The following DIP2B variants were observed in gnomAD, a reference collection of about 807,000 sequenced individuals.
DIP2B encodes the protein DIP2 acetate--CoA ligase B (putative).
Under a neutral mutation model 198.0 loss-of-function variants are expected in DIP2B, and 76 were observed. That is an observed-to-expected ratio of 0.38 (90% confidence interval 0.32 to 0.46). The LOEUF (loss-of-function observed/expected upper bound fraction) is 0.46, where lower values mean the gene tolerates loss of function less well. Ranked by LOEUF, DIP2B falls within the 20% of genes least tolerant of loss-of-function variation. The probability of loss-of-function intolerance (pLI) is 0.99; values close to 1 mark genes in which losing one functional copy is unlikely to be tolerated. For synonymous variants in DIP2B, 701 were observed against 739.1 expected, an observed-to-expected ratio of 0.95 and a Z score of 0.84; for missense variants, 1,559 against 1,978.4, an observed-to-expected ratio of 0.79 and a Z score of 4.02.
intron 1 of DIP2B, among the ~76,000 whole-genome samples, chr12:50,554,245 C>T (rs543389190): frequency 2.5e-4 from 38 of 152,076 alleles, no homozygotes; most frequent in African/African-American, 9.2e-4. Context: ...CCTTAGCTAC[C>T]CACCCATGCT....
rs766755395 is a variant in DIP2B, at chr12:50,678,785, T to G, written c.1023T>G (p.Ser341=). The change falls in exon 8 of 38, where the codon TCT becomes TCG. Residue 341 remains serine, a synonymous_variant. Coordinates refer to ENST00000301180, the MANE Select transcript of DIP2B (RefSeq NM_173602.3). ...GTAACTGGCCTCCTGCTCTTGAATC[T>G]GCCCTGCAGCGCTGGGGTACCACTC... is the stretch of plus-strand genomic sequence containing the variant. ...VICNWPPALE[S]ALQRWGTTQA... is the part of the protein sequence containing the mutation. 1 of 1,614,222 alleles carries G rather than the reference T, an allele frequency of 6.2e-7. No homozygotes were observed. Among genetic ancestry groups the G allele is most frequent in the Non-Finnish European group, 8.5e-7 (1 of 1,180,036 alleles).
chr12:50,654,916 A>G (rs2139505310), intron 3 of DIP2B: 4 of 397,920 alleles, frequency 1.0e-5, no homozygotes, highest in South Asian at 1.8e-5. Context: ...ATACCTGTAC[A>G]TTGCTAGTAG....
At position 50,737,004 on chromosome 12, in the gene DIP2B, C is replaced by T. The variant is rs764101061; in HGVS notation, c.4102-32C>T. 3.1e-6 allele frequency: 5 copies of T among 1,604,884 alleles called. No homozygotes were observed. The Admixed American group carries it at 5.0e-5, about 16-fold the overall frequency. On this transcript the variant is annotated intron_variant, in intron 34 of 37. Transcript: ENST00000301180. Reference sequence around the variant, plus strand: ...CTGGAGGTCATTAGATTTCACTGAACTCAATCTTTGTATTTTCCCTTTGAT... The same window carrying T: ...CTGGAGGTCATTAGATTTCACTGAATTCAATCTTTGTATTTTCCCTTTGAT...
intron 2 of DIP2B, among the ~76,000 whole-genome samples, chr12:50,626,723 C>G (rs1937942116): frequency 6.6e-6 from 1 of 151,256 alleles, no homozygotes; most frequent in Non-Finnish European, 1.5e-5. Context: ...ATTTTCTACC[C>G]CCTTCAACCA....
At chr12:50,660,105 TA>T (rs1565861830) in intron 3 of DIP2B, 88 bp from the exon 4 acceptor site, 9 of 1,190,136 alleles carry the variant, frequency 7.6e-6, no homozygotes, top group East Asian at 2.9e-5. Context: ...TTTTTTTTTT[TA>T]AACAATTGAG....
At chr12:50,682,268 G>T (rs187826279) in intron 9 of DIP2B, among the ~76,000 whole-genome samples, 48 of 151,694 alleles carry the variant, frequency 3.2e-4, no homozygotes, top group African/African-American at 1.1e-3. Flanking sequence ...ATTACCAGAT[G>T]CCCTCCTGCT....
At chr12:50,573,317 A>G (rs1012161598) in intron 1 of DIP2B, among the ~76,000 whole-genome samples, 3 of 152,310 alleles carry the variant, frequency 2.0e-5, no homozygotes, top group South Asian at 2.1e-4. Context: ...TAAAGAGACA[A>G]ATAAGATTGA....
chr12:50,539,222 CTCTTT>C (rs1323259455), intron 1 of DIP2B, among the ~76,000 whole-genome samples: 1 of 135,882 alleles, frequency 7.4e-6, no homozygotes, highest in East Asian at 2.2e-4. Context: ...AGGTAGCTCG[CTCTTT>C]TCTTTTTTCT....
intron 1 of DIP2B, among the ~76,000 whole-genome samples, chr12:50,521,485 CTTTCT>C (rs1285763193): frequency 3.4e-5 from 4 of 117,468 alleles, no homozygotes; most frequent in South Asian, 2.9e-4. Context: ...CTTCAGGTTT[CTTTCT>C]TTTTTTTTTT....
chr12:50,703,559 A>G (rs1208583855), intron 19 of DIP2B, among the ~76,000 whole-genome samples: 1 of 152,216 alleles, frequency 6.6e-6, no homozygotes, highest in Non-Finnish European at 1.5e-5. Context: ...AATTTCCTGA[A>G]TACTGATTCT....
chr12:50,639,656 C>T (rs984209276), intron 2 of DIP2B, among the ~76,000 whole-genome samples: 2 of 151,410 alleles, frequency 1.3e-5, no homozygotes, highest in Non-Finnish European at 2.9e-5. Flanking sequence ...TGGAGCAGTA[C>T]ATTTGCTGTG....
At chr12:50,705,304 G>A (rs1939494589) in intron 20 of DIP2B, among the ~76,000 whole-genome samples, 1 of 152,026 alleles carries the variant, frequency 6.6e-6, no homozygotes. Flanking sequence ...GGGTGGGTGA[G>A]GACATAGATC....
At chr12:50,718,685 G>C in intron 23 of DIP2B, 24 bp from the exon 24 acceptor site, 1 of 1,605,630 alleles carries the variant, frequency 6.2e-7, no homozygotes, top group African/African-American at 1.3e-5. Flanking sequence ...TCTCCAGTGA[G>C]TTGGGTTTTG....
At chr12:50,507,014 G>A (rs1182916675) in intron 1 of DIP2B, among the ~76,000 whole-genome samples, 1 of 152,114 alleles carries the variant, frequency 6.6e-6, no homozygotes, top group Admixed American at 6.5e-5. Flanking sequence ...ATCTCTGGGT[G>A]TTTCTAGACA....
chr12:50,510,965 A>G (rs1280054049), intron 1 of DIP2B, among the ~76,000 whole-genome samples: 2 of 61,294 alleles, frequency 3.3e-5, no homozygotes, highest in African/African-American at 5.9e-5. Flanking sequence ...TTTTTTTTTG[A>G]GACGGAGTCT....
At chr12:50,537,840 AC>A (rs1426624876) in intron 1 of DIP2B, among the ~76,000 whole-genome samples, 1 of 151,990 alleles carries the variant, frequency 6.6e-6, no homozygotes, top group Non-Finnish European at 1.5e-5. Flanking sequence ...GTAATGTTAA[AC>A]CTATGGAGAG....
chr12:50,631,515 G>A (rs936400261), intron 2 of DIP2B, among the ~76,000 whole-genome samples: 2 of 151,828 alleles, frequency 1.3e-5, no homozygotes, highest in African/African-American at 2.4e-5. Flanking sequence ...ATGAGCCACC[G>A]TGCCCGGCCC....
intron 4 of DIP2B, among the ~76,000 whole-genome samples, chr12:50,664,780 T>C (rs1938716530): frequency 6.7e-6 from 1 of 150,064 alleles, no homozygotes; most frequent in South Asian, 2.1e-4. Context: ...TGAGAGTAGC[T>C]AGAGTAATTC....
chr12:50,591,397 C>G (rs544878058), intron 1 of DIP2B, among the ~76,000 whole-genome samples: 2 of 151,184 alleles, frequency 1.3e-5, no homozygotes, highest in South Asian at 4.2e-4. Flanking sequence ...CCATTGTATT[C>G]CTTTTTTAAA....
Sources: allele counts gnomAD v4.1 joint callset (sites outside exome capture counted in the v4.1 genomes callset), GRCh38; gene constraint gnomAD v4.1.1; transcripts MANE v1.5; gene names NCBI Gene and HGNC (gene_info 2026-07-23, HGNC 2026-07-21).